Variants in ARHGAP26 observed in about 807,000 individuals in gnomAD.
ARHGAP26 encodes Rho GTPase activating protein 26.
ARHGAP26 carries 38 observed loss-of-function variants against 104.8 expected under a neutral mutation model. That is an observed-to-expected ratio of 0.36 (90% CI 0.28 to 0.48). The LOEUF (loss-of-function observed/expected upper bound fraction) is 0.48. ARHGAP26 is among the 20% of genes least tolerant of loss of function. The pLI is 0.99. For missense variants in ARHGAP26, 704 were observed against 947.9 expected (o/e 0.74, Z 3.38); for synonymous variants, 341 against 340.0 (o/e 1.00, Z -0.03).
intron 1 of ARHGAP26, chr5:142,868,004 G>A (rs922820851): frequency 1.3e-5 from 2 of 152,164 alleles, no homozygotes; most frequent in African/African-American, 2.4e-5. Context: ...GGGCTTTGGG[G>A]ATAGAGTGGT....
intron 11 of ARHGAP26, among the ~76,000 whole-genome samples, chr5:143,005,798 G>T (rs966875608): frequency 6.6e-6 from 1 of 152,188 alleles, no homozygotes; most frequent in Admixed American, 6.5e-5. Context: ...CAGCAAGAAC[G>T]CTTCCGGGGC....
chr5:143,218,588 A>T (rs1437641464), intron 22 of ARHGAP26, among the ~76,000 whole-genome samples: 1 of 152,180 alleles, frequency 6.6e-6, no homozygotes, highest in Non-Finnish European at 1.5e-5. Flanking sequence ...GTACACAGGG[A>T]TGTATGGTGT....
chr5:143,175,471 A>G (rs983919837), intron 20 of ARHGAP26, among the ~76,000 whole-genome samples: 4 of 152,206 alleles, frequency 2.6e-5, no homozygotes, highest in African/African-American at 9.7e-5. Context: ...AGATATTTTC[A>G]GAAATGTTTT....
At chr5:143,103,221 G>C in intron 17 of ARHGAP26, 2 of 985,038 alleles carry the variant, frequency 2.0e-6, no homozygotes, top group Non-Finnish European at 2.4e-6. Context: ...AAAGTCACTG[G>C]ATCAGTAGAC....
At chr5:143,194,154 A>G (rs984896667) in intron 20 of ARHGAP26, 2 of 152,248 alleles carry the variant, frequency 1.3e-5, no homozygotes, top group Non-Finnish European at 2.9e-5. Flanking sequence ...AACTGTAACT[A>G]CATATTCCAG....
chr5:143,086,543 A>G (rs894097130), intron 17 of ARHGAP26, among the ~76,000 whole-genome samples: 9 of 152,232 alleles, frequency 5.9e-5, no homozygotes, highest in Non-Finnish European at 1.0e-4. Context: ...ATGAGAAAGT[A>G]AGAAATGACT....
intron 14 of ARHGAP26, among the ~76,000 whole-genome samples, chr5:143,043,361 G>A (rs1783752905): frequency 6.6e-6 from 1 of 152,120 alleles, no homozygotes; most frequent in Non-Finnish European, 1.5e-5. Flanking sequence ...ATTTATTTTT[G>A]CTGTTCCATG....
At chr5:142,929,969 G>A (rs780196999) in intron 10 of ARHGAP26, among the ~76,000 whole-genome samples, 21 of 152,104 alleles carry the variant, frequency 1.4e-4, no homozygotes, top group Non-Finnish European at 2.6e-4. Context: ...CCAGGGTGTG[G>A]GCCTCAAACT....
At chr5:143,133,024 G>T (rs1797535336) in intron 18 of ARHGAP26, among the ~76,000 whole-genome samples, 2 of 152,296 alleles carry the variant, frequency 1.3e-5, no homozygotes, top group Admixed American at 6.5e-5. Context: ...ACAGTGTGAC[G>T]ACTGGTACCT....
chr5:143,200,887 C>T (rs551054164), intron 20 of ARHGAP26, among the ~76,000 whole-genome samples: 2 of 152,370 alleles, frequency 1.3e-5, no homozygotes, highest in Admixed American at 6.5e-5. Context: ...CTGGGCAGCC[C>T]TGCCACAGTA....
chr5:142,982,239 GGCTGGCTGCTAGCC>G (rs1774047699), intron 11 of ARHGAP26, among the ~76,000 whole-genome samples: 1 of 152,250 alleles, frequency 6.6e-6, no homozygotes, highest in South Asian at 2.1e-4. Flanking sequence ...CAGTCCAGAT[GGCTGGCTGCTAGCC>G]CAGGCAAACT....
intron 1 of ARHGAP26, among the ~76,000 whole-genome samples, chr5:142,789,868 G>A (rs1320352382): frequency 6.6e-6 from 1 of 151,990 alleles, no homozygotes; most frequent in Non-Finnish European, 1.5e-5. Context: ...CCAGGACCAG[G>A]GCACTCTTTC....
At chr5:143,173,972 G>A (rs1313537341) in intron 20 of ARHGAP26, among the ~76,000 whole-genome samples, 5 of 152,218 alleles carry the variant, frequency 3.3e-5, no homozygotes, top group Non-Finnish European at 7.3e-5. Context: ...GTTGCTGTTT[G>A]AGGGCAGCAT....
At chr5:143,104,756 T>C (rs1793755319) in intron 17 of ARHGAP26, among the ~76,000 whole-genome samples, 1 of 152,192 alleles carries the variant, frequency 6.6e-6, no homozygotes, top group African/African-American at 2.4e-5. Context: ...AGACAATGAA[T>C]GGTACTTGAA....
At chr5:143,121,750 A>AAT (rs1796162738) in intron 18 of ARHGAP26, among the ~76,000 whole-genome samples, 1 of 152,142 alleles carries the variant, frequency 6.6e-6, no homozygotes, top group Admixed American at 6.5e-5. Context: ...CAATTTGAAG[A>AAT]ATATTAACGC....
At chr5:142,930,922 C>T (rs1158393112) in intron 10 of ARHGAP26, among the ~76,000 whole-genome samples, 1 of 152,150 alleles carries the variant, frequency 6.6e-6, no homozygotes, top group Non-Finnish European at 1.5e-5. Flanking sequence ...GGCTTGGGTG[C>T]ATATGGGGCC....
chr5:143,175,439 GTTTTTC>G (rs1803341249), intron 20 of ARHGAP26, among the ~76,000 whole-genome samples: 1 of 152,006 alleles, frequency 6.6e-6, no homozygotes, highest in South Asian at 2.1e-4. Context: ...CTTAGCATGA[GTTTTTC>G]TTTTGTAAGT....
intron 20 of ARHGAP26, among the ~76,000 whole-genome samples, chr5:143,149,747 A>G (rs1395865978): frequency 6.6e-6 from 1 of 152,198 alleles, no homozygotes; most frequent in Non-Finnish European, 1.5e-5. Flanking sequence ...CAGTGGGAAC[A>G]CTTAATGATG....
At chr5:142,930,787 G>T (rs1355126910) in intron 10 of ARHGAP26, among the ~76,000 whole-genome samples, 1 of 152,142 alleles carries the variant, frequency 6.6e-6, no homozygotes, top group African/African-American at 2.4e-5. Flanking sequence ...GGATGTCAAG[G>T]AATGGTTAAT....
Sources: gnomAD v4.1 joint callset for allele counts (sites outside exome capture counted in the v4.1 genomes callset) on GRCh38, gnomAD v4.1.1 for gene constraint, MANE v1.5 for transcripts, NCBI Gene and HGNC (gene_info 2026-07-23, HGNC 2026-07-21) for gene names.